Variants in PATJ observed in about 807,000 individuals in gnomAD.
PATJ encodes the protein inaD-like protein.
A neutral mutation model predicts 224.9 loss-of-function variants in PATJ; 190 were observed. The ratio of observed to expected loss-of-function variants is 0.84; its 90% confidence interval spans 0.75 to 0.95. The LOEUF is 0.95. Among genes scored for constraint, PATJ ranks in the 40% least tolerant of loss-of-function variants. The probability of loss-of-function intolerance (pLI) is 0.00; values close to 1 mark genes in which losing one functional copy is unlikely to be tolerated. For missense variants in PATJ, 2,121 were observed against 2,270.3 expected (o/e 0.93, Z 1.34); for synonymous variants, 769 against 820.3 (o/e 0.94, Z 1.07).
chr1:61,847,681 T>TA (rs1348907246), intron 17 of PATJ, among the ~76,000 whole-genome samples: 1 of 152,232 alleles, frequency 6.6e-6, no homozygotes, highest in Non-Finnish European at 1.5e-5. Flanking sequence ...AATTAGTTAT[T>TA]ACTTTGCATT....
chr1:61,986,016 C>T (rs1216249846), intron 27 of PATJ, among the ~76,000 whole-genome samples: 1 of 151,916 alleles, frequency 6.6e-6, no homozygotes, highest in Admixed American at 6.6e-5. Context: ...GTAACAACCC[C>T]ATTTTACATA....
rs149849146 is a variant in PATJ at position 62,009,666 on chromosome 1, A to G, written c.3868-8190A>G. ...TGCTGTTTAATAGCATTTTACCCAC[A>G]GTAGAATTTCTTTCAAAATTGGAGT... On this transcript the variant is annotated intron_variant, in intron 28 of 43. Coordinates refer to ENST00000642238, the MANE Select transcript of PATJ (RefSeq NM_001350145.3). Among the ~76,000 whole-genome samples the G allele has an allele frequency of 9.8e-3, 1,465 of 149,114 alleles. 14 individuals carry two copies. Among genetic ancestry groups the G allele is most frequent in the South Asian group, 0.018 (87 of 4,814 alleles).
chr1:61,923,316 C>T (rs573499313), intron 26 of PATJ, among the ~76,000 whole-genome samples: 4 of 152,192 alleles, frequency 2.6e-5, no homozygotes, highest in Non-Finnish European at 5.9e-5. Context: ...AATGACAAGG[C>T]GCCTTCACCA....
intron 12 of PATJ, among the ~76,000 whole-genome samples, 184 bp downstream of exon 12, chr1:61,801,953 G>T (rs11207841): frequency 1.7e-4 from 25 of 147,316 alleles, no homozygotes; most frequent in Non-Finnish European, 1.8e-4. Context: ...TTTTTTAATT[G>T]TACTTTAAGT....
At chr1:61,774,280 C>A (rs750743287) in intron 6 of PATJ, among the ~76,000 whole-genome samples, 27 of 152,040 alleles carry the variant, frequency 1.8e-4, no homozygotes, top group Non-Finnish European at 3.4e-4. Context: ...CAGAGTGAGA[C>A]CCTGTCTCAA....
At chr1:62,121,978 C>T (rs1422929575) in intron 38 of PATJ, among the ~76,000 whole-genome samples, 1 of 151,828 alleles carries the variant, frequency 6.6e-6, no homozygotes, top group Non-Finnish European at 1.5e-5. Flanking sequence ...GTGTGTATAT[C>T]CTTGGGGGCA....
rs535920761 is a variant in PATJ at position 61,811,250 on chromosome 1, C to T, written c.1683+2720C>T. ...CATAGTAGGCTCTTGTTTTTTGAGACGGAGTTTCATTTTTATTGCCTAGGC... is the reference window on the plus strand; with the variant it reads ...CATAGTAGGCTCTTGTTTTTTGAGATGGAGTTTCATTTTTATTGCCTAGGC... On this transcript the variant is annotated intron_variant, in intron 14 of 43. Transcript: ENST00000642238. Among the ~76,000 whole-genome samples, 19 of 152,046 alleles carry T rather than the reference C, an allele frequency of 1.2e-4. No homozygotes were observed. The East Asian group carries it at 1.5e-3, about 12-fold the overall frequency.
chr1:61,998,039 T>A (rs1457575465), intron 28 of PATJ, among the ~76,000 whole-genome samples: 1 of 123,264 alleles, frequency 8.1e-6, no homozygotes, highest in Non-Finnish European at 1.6e-5. Flanking sequence ...TATTATATAT[T>A]TATTATATAT....
intron 34 of PATJ, among the ~76,000 whole-genome samples, chr1:62,112,621 T>C (rs531819111): frequency 1.3e-5 from 2 of 152,298 alleles, no homozygotes; most frequent in African/African-American, 4.8e-5. Flanking sequence ...GAATAAGGAA[T>C]GGAACTGACA....
intron 27 of PATJ, among the ~76,000 whole-genome samples, chr1:61,933,817 C>A (rs1375005666): frequency 6.6e-6 from 1 of 152,190 alleles, no homozygotes; most frequent in Non-Finnish European, 1.5e-5. Context: ...ACCAGCACTC[C>A]CATCCCCCAA....
At chr1:61,811,393 T>A (rs1265007614) in intron 14 of PATJ, among the ~76,000 whole-genome samples, 1 of 151,974 alleles carries the variant, frequency 6.6e-6, no homozygotes, top group African/African-American at 2.4e-5. Context: ...CACGCCTGGC[T>A]AATTTTTTCT....
intron 1 of PATJ, among the ~76,000 whole-genome samples, chr1:61,750,558 C>T (rs1427454091): frequency 1.3e-5 from 2 of 149,454 alleles, no homozygotes; most frequent in Admixed American, 6.8e-5. Flanking sequence ...GGTACTATTA[C>T]TACTGAGTAG....
chr1:61,965,244 C>T (rs1302107992), intron 27 of PATJ, among the ~76,000 whole-genome samples: 1 of 140,960 alleles, frequency 7.1e-6, no homozygotes, highest in Non-Finnish European at 1.5e-5. Flanking sequence ...TTCTGAGTTT[C>T]AGTTTATTCA....
chr1:62,125,248 AAAAAAC>A (rs1482853997), intron 39 of PATJ, among the ~76,000 whole-genome samples: 4 of 102,704 alleles, frequency 3.9e-5, no homozygotes, highest in African/African-American at 1.5e-4. Flanking sequence ...AAAAAAAAAA[AAAAAAC>A]AAAAAAAAAC....
intron 24 of PATJ, among the ~76,000 whole-genome samples, chr1:61,906,438 C>G (rs1319411460): frequency 6.6e-6 from 1 of 152,126 alleles, no homozygotes; most frequent in Non-Finnish European, 1.5e-5. Flanking sequence ...CCCAAGCCAC[C>G]TCAGTAGCAT....
intron 22 of PATJ, among the ~76,000 whole-genome samples, chr1:61,885,178 G>C (rs1024223721): frequency 2.0e-5 from 3 of 152,060 alleles, no homozygotes; most frequent in African/African-American, 7.2e-5. Context: ...ATTGACAAAT[G>C]GGATCTAATT....
chr1:62,061,608 A>T (rs1190286841), intron 31 of PATJ, among the ~76,000 whole-genome samples: 2 of 152,148 alleles, frequency 1.3e-5, no homozygotes, highest in Admixed American at 1.3e-4. Context: ...GGCAAAGAAC[A>T]TGATTTCGTT....
chr1:61,744,488 A>G (rs1433949678), intron 1 of PATJ, among the ~76,000 whole-genome samples: 3 of 152,126 alleles, frequency 2.0e-5, no homozygotes, highest in Admixed American at 1.3e-4. Flanking sequence ...TTGACCTGGT[A>G]TCTGCAACTT....
intron 1 of PATJ, among the ~76,000 whole-genome samples, chr1:61,744,165 G>A (rs1396418854): frequency 6.6e-6 from 1 of 151,158 alleles, no homozygotes; most frequent in Non-Finnish European, 1.5e-5. Context: ...TTTTTAAATA[G>A]TCAGGTGTGT....
Sources: allele counts gnomAD v4.1 joint callset (sites outside exome capture counted in the v4.1 genomes callset), GRCh38; gene constraint gnomAD v4.1.1; transcripts MANE v1.5; gene names NCBI Gene and HGNC (gene_info 2026-07-23, HGNC 2026-07-21).